The following PTK2 variants were observed in gnomAD, a reference collection of about 807,000 sequenced individuals.
PTK2 encodes protein tyrosine kinase 2.
Under a neutral mutation model 150.1 loss-of-function variants are expected in PTK2, and 45 were observed. That is an observed-to-expected ratio of 0.30 (90% CI 0.24 to 0.38). PTK2 has a LOEUF of 0.38. Ranked by LOEUF, PTK2 falls within the 10% of genes least tolerant of loss-of-function variation. The pLI is 1.00. For missense variants in PTK2, 919 were observed against 1,307.3 expected, an observed-to-expected ratio of 0.70 and a Z score of 4.58; for synonymous variants, 432 against 449.2, an observed-to-expected ratio of 0.96 and a Z score of 0.48.
intron 14 of PTK2, 186 bp from the exon 17 acceptor site, chr8:140,764,476 C>T (rs2100071209): frequency 5.1e-6 from 3 of 588,810 alleles, no homozygotes; most frequent in Admixed American, 3.1e-5. Flanking sequence ...CATCATTGTC[C>T]AATACGTTAT....
In PTK2 at chr8:140,878,819, A is replaced by C. The variant is rs576870224; in HGVS notation, c.362+652T>G. ...ATGTATTTTAGATGTACAATTTCCT[A>C]GTAACATCTTGAGTTGCTTAGTAGT... On this transcript the variant is annotated intron_variant, in intron 4 of 31. Coordinates refer to ENST00000522684, the Ensembl canonical transcript of PTK2. Among the ~76,000 whole-genome samples the C allele has an allele frequency of 4.0e-5, 6 of 150,868 alleles. No homozygotes were observed. The East Asian group carries it at 1.2e-3, about 30-fold the overall frequency.
intron 1 of PTK2, among the ~76,000 whole-genome samples, chr8:140,946,789 C>A (rs1337941502): frequency 6.6e-6 from 1 of 152,094 alleles, no homozygotes; most frequent in Non-Finnish European, 1.5e-5. Flanking sequence ...TTTTTATTAT[C>A]TGCTTCCCTA....
At chr8:140,659,973 T>A (rs10088234) in intron 31 of PTK2, among the ~76,000 whole-genome samples, 2,927 of 152,264 alleles carry the variant, frequency 0.019, 100 homozygotes, top group African/African-American at 0.067. Flanking sequence ...AATCAATCTT[T>A]AAATTTTTTT....
intron 1 of PTK2, among the ~76,000 whole-genome samples, chr8:140,948,959 A>C (rs2100178596): frequency 6.6e-6 from 1 of 151,948 alleles, no homozygotes; most frequent in Non-Finnish European, 1.5e-5. Context: ...TAATAGTTAC[A>C]CTGAGTGTGC....
At chr8:140,760,245 C>CATAT (rs150116644) in intron 16 of PTK2, among the ~76,000 whole-genome samples, 171 of 150,960 alleles carry the variant, frequency 1.1e-3, no homozygotes, top group African/African-American at 4.0e-3. Context: ...CAAAACAAAA[C>CATAT]ATATATATAT....
chr8:140,686,243 TGGAGGGTGGGA>T (rs1316936255), intron 27 of PTK2, among the ~76,000 whole-genome samples: 1 of 151,648 alleles, frequency 6.6e-6, no homozygotes, highest in East Asian at 1.9e-4. Flanking sequence ...CACTTGAGGG[TGGAGGGTGGGA>T]GGAGGGTGAG....
At chr8:140,672,636 C>T (rs1307053882) in intron 29 of PTK2, among the ~76,000 whole-genome samples, 1 of 152,218 alleles carries the variant, frequency 6.6e-6, no homozygotes, top group Non-Finnish European at 1.5e-5. Flanking sequence ...GCCCATTCAC[C>T]CTCTGGTCAC....
At chr8:140,878,845 A>T (rs994178282) in intron 4 of PTK2, among the ~76,000 whole-genome samples, 1 of 79,780 alleles carries the variant, frequency 1.3e-5, no homozygotes, top group African/African-American at 5.5e-5. Flanking sequence ...GCTTAGTAGT[A>T]AAAAAAAAAA....
intron 10 of PTK2, among the ~76,000 whole-genome samples, chr8:140,805,201 C>A (rs1286848942): frequency 1.3e-5 from 2 of 152,184 alleles, no homozygotes; most frequent in Non-Finnish European, 2.9e-5. Context: ...AGATTACTAA[C>A]AACATAGTTA....
intron 23 of PTK2, among the ~76,000 whole-genome samples, chr8:140,706,820 G>A (rs1173494692): frequency 2.0e-5 from 3 of 152,086 alleles, no homozygotes; most frequent in Non-Finnish European, 4.4e-5. Context: ...TGCTTGAGCC[G>A]AGGAATTAGA....
chr8:140,671,854 C>T (rs1160045593), intron 29 of PTK2, among the ~76,000 whole-genome samples: 1 of 148,828 alleles, frequency 6.7e-6, no homozygotes, highest in Non-Finnish European at 1.5e-5. Context: ...ATGGCGTGAA[C>T]CCGGGAGGCG....
At chr8:140,831,966 G>C (rs1233198387) in intron 7 of PTK2, among the ~76,000 whole-genome samples, 2 of 152,136 alleles carry the variant, frequency 1.3e-5, no homozygotes, top group African/African-American at 4.8e-5. Flanking sequence ...ACACACTCTG[G>C]AATCTACAAG....
At chr8:140,757,657 A>G (rs926608626) in intron 16 of PTK2, among the ~76,000 whole-genome samples, 8 of 152,340 alleles carry the variant, frequency 5.3e-5, no homozygotes, top group African/African-American at 1.9e-4. Flanking sequence ...GCAGTTTCCA[A>G]GCAGGGGTAT....
chr8:140,922,428 T>A (rs1237623376), intron 2 of PTK2, among the ~76,000 whole-genome samples: 1 of 151,378 alleles, frequency 6.6e-6, no homozygotes, highest in African/African-American at 2.4e-5. Flanking sequence ...TGAAAAAATA[T>A]CCCCAGCCTC....
chr8:140,902,942 T>G (rs555319595), intron 2 of PTK2, among the ~76,000 whole-genome samples: 1,400 of 131,938 alleles, frequency 0.011, 17 homozygotes, highest in Non-Finnish European at 0.013. Flanking sequence ...TTTTTTTTTT[T>G]TTTTTTTTTT....
chr8:140,867,341 C>A (rs2100139931), intron 4 of PTK2, among the ~76,000 whole-genome samples: 1 of 152,092 alleles, frequency 6.6e-6, no homozygotes, highest in Admixed American at 6.5e-5. Flanking sequence ...CACAGATTGG[C>A]AAGAGAATTT....
intron 14 of PTK2, among the ~76,000 whole-genome samples, chr8:140,774,030 T>C (rs2100077041): frequency 6.6e-6 from 1 of 152,160 alleles, no homozygotes; most frequent in Admixed American, 6.5e-5. Flanking sequence ...TTCTATGTGA[T>C]TACGCTGGTT....
At position 140,983,264 on chromosome 8, in the gene PTK2, G is replaced by T. The variant is rs1008599359; in HGVS notation, c.-122+17861C>A. ...TAGCCACACATGGTGACAGGTGCCT[G>T]TAATCCCAGCTACTCGGAAGGCTGA... is the stretch of plus-strand genomic sequence containing the variant. On this transcript the variant is annotated intron_variant, in intron 1 of 31. Transcript: ENST00000522684. 5.3e-5 allele frequency among the ~76,000 whole-genome samples: 8 copies of T among 150,150 alleles called. No individual in the cohort carries two copies. In the East Asian group the frequency reaches 1.6e-3, roughly 30 times the overall value.
At chr8:140,834,215 GGCTCCTCAGTAA>G (rs1450347834) in intron 7 of PTK2, among the ~76,000 whole-genome samples, 1 of 152,138 alleles carries the variant, frequency 6.6e-6, no homozygotes, top group African/African-American at 2.4e-5. Context: ...TGGGCCCAAA[GGCTCCTCAGTAA>G]GCACAGGGAT....
Sources: gnomAD v4.1 joint callset for allele counts (sites outside exome capture counted in the v4.1 genomes callset) on GRCh38, gnomAD v4.1.1 for gene constraint, MANE v1.5 for transcripts, NCBI Gene and HGNC (gene_info 2026-07-23, HGNC 2026-07-21) for gene names.